Variants in FANCC observed in about 807,000 individuals in gnomAD.
FANCC encodes the protein FA complementation group C, also known as Fanconi anemia group C protein.
In FANCC, 55 loss-of-function variants were observed where a neutral mutation model predicts 71.3. That is an observed-to-expected ratio of 0.77 (90% CI 0.62 to 0.97). The LOEUF is 0.97. Among genes scored for constraint, FANCC ranks in the 50% least tolerant of loss-of-function variants. The probability of loss-of-function intolerance (pLI) is 0.00; values close to 1 mark genes in which losing one functional copy is unlikely to be tolerated. For missense variants in FANCC, 678 were observed against 670.9 expected, an observed-to-expected ratio of 1.01 and a Z score of -0.12; for synonymous variants, 275 against 244.9, an observed-to-expected ratio of 1.12 and a Z score of -1.15.
At chr9:95,136,738 C>A (rs1297589274) in intron 7 of FANCC, among the ~76,000 whole-genome samples, 1 of 152,208 alleles carries the variant, frequency 6.6e-6, no homozygotes, top group Non-Finnish European at 1.5e-5. Flanking sequence ...CCTGCCTTGG[C>A]CTCCCAAAAT....
chr9:95,111,712 C>T (rs2071951515), intron 12 of FANCC, 75 bp from the exon 13 acceptor site: 2 of 1,558,976 alleles, frequency 1.3e-6, no homozygotes, highest in South Asian at 2.2e-5. Context: ...GCAACTTTAA[C>T]GTTTGCCAAC....
intron 1 of FANCC, among the ~76,000 whole-genome samples, chr9:95,284,871 C>T (rs1833584804): frequency 9.5e-6 from 1 of 104,806 alleles, no homozygotes; most frequent in Admixed American, 1.0e-4. Flanking sequence ...CACACACACA[C>T]ACACATACAC....
In FANCC at chr9:95,114,615, C is replaced by T. The variant is rs751776859; in HGVS notation, c.1154+14G>A. On this transcript the variant is annotated intron_variant, in intron 12 of 14. Transcript: ENST00000289081. The stretch of plus-strand genomic sequence containing the variant: ...TGTGTGAAGTAGATTTGGGAGTGGT[C>T]AGTGTTTGCTCACCCATGAGTCTGG... 2.5e-6 allele frequency: 4 copies of T among 1,610,466 alleles called. No individual in the cohort carries two copies. The highest frequency in any genetic ancestry group is 3.4e-6 in the Non-Finnish European group (4 of 1,176,690).
chr9:95,268,166 G>A (rs1443596914), intron 1 of FANCC, among the ~76,000 whole-genome samples: 1 of 152,200 alleles, frequency 6.6e-6, no homozygotes, highest in Non-Finnish European at 1.5e-5. Context: ...ACAGAAACTT[G>A]ATGAAAAAGC....
At position 95,308,961 on chromosome 9, in the gene FANCC, T is replaced by C. The variant is rs376045567; in HGVS notation, c.-79+8565A>G. The stretch of plus-strand genomic sequence containing the variant: ...AGGGCAAGACTGCAACGAGTTATGA[T>C]TGCACTACTGCACTCCAGCCTGGGG... On this transcript the variant is annotated intron_variant, in intron 1 of 14. Coordinates refer to ENST00000289081, the MANE Select transcript of FANCC (RefSeq NM_000136.3). Among the ~76,000 whole-genome samples the C allele has an allele frequency of 7.4e-4, 113 of 152,256 alleles. 1 individual carries two copies. In the South Asian group the frequency reaches 0.022, roughly 30 times the overall value.
At chr9:95,133,361 C>T (rs192550406) in intron 8 of FANCC, among the ~76,000 whole-genome samples, 1 of 152,262 alleles carries the variant, frequency 6.6e-6, no homozygotes, top group African/African-American at 2.4e-5. Flanking sequence ...CCAAATAACA[C>T]CCTCTAGAAT....
intron 13 of FANCC, chr9:95,110,658 AAAC>A (rs760975319): frequency 3.8e-6 from 4 of 1,048,202 alleles, no homozygotes; most frequent in South Asian, 9.2e-5. Flanking sequence ...GTGTGTTTTC[AAAC>A]AACAGAAAAT....
At chr9:95,313,194 G>A (rs1588456157) in intron 1 of FANCC, among the ~76,000 whole-genome samples, 1 of 152,196 alleles carries the variant, frequency 6.6e-6, no homozygotes, top group Admixed American at 6.5e-5. Flanking sequence ...AAGCACGGGA[G>A]CCAGCGTTGG....
chr9:95,255,608 G>A (rs983478507), intron 1 of FANCC, among the ~76,000 whole-genome samples: 1 of 152,184 alleles, frequency 6.6e-6, no homozygotes, highest in African/African-American at 2.4e-5. Flanking sequence ...GCACAAAAAG[G>A]CTGAAAATTC....
chr9:95,197,265 A>G (rs1827513043), intron 4 of FANCC, among the ~76,000 whole-genome samples: 1 of 152,206 alleles, frequency 6.6e-6, no homozygotes, highest in African/African-American at 2.4e-5. Flanking sequence ...AGCCAAGTGC[A>G]GTGGCTCACA....
intron 10 of FANCC, among the ~76,000 whole-genome samples, 188 bp from the exon 11 acceptor site, chr9:95,117,578 C>T (rs567058232): frequency 7.2e-6 from 1 of 139,406 alleles, no homozygotes; most frequent in South Asian, 2.5e-4. Context: ...AATAATTAAC[C>T]TTTTTAAAGT....
chr9:95,201,041 G>GAA (rs1338635820), intron 4 of FANCC, among the ~76,000 whole-genome samples: 3 of 152,092 alleles, frequency 2.0e-5, no homozygotes, highest in Non-Finnish European at 4.4e-5. Flanking sequence ...TCTCTATAAT[G>GAA]AATTGCCTTT....
At chr9:95,313,873 A>G (rs1175717627) in intron 1 of FANCC, among the ~76,000 whole-genome samples, 1 of 152,250 alleles carries the variant, frequency 6.6e-6, no homozygotes, top group African/African-American at 2.4e-5. Flanking sequence ...CAGAAAAGCA[A>G]CATTTCTAAC....
At chr9:95,159,702 C>A (rs1009428015) in intron 6 of FANCC, among the ~76,000 whole-genome samples, 1 of 152,122 alleles carries the variant, frequency 6.6e-6, no homozygotes, top group African/African-American at 2.4e-5. Context: ...CTGTTGTTTC[C>A]TGACTTTTTA....
At chr9:95,138,521 C>T (rs1158984181) in intron 7 of FANCC, among the ~76,000 whole-genome samples, 1 of 152,244 alleles carries the variant, frequency 6.6e-6, no homozygotes, top group African/African-American at 2.4e-5. Context: ...GTTCGCCTCT[C>T]AGTGGCTCCT....
intron 4 of FANCC, among the ~76,000 whole-genome samples, chr9:95,199,202 C>T (rs1827649964): frequency 6.6e-6 from 1 of 152,090 alleles, no homozygotes; most frequent in Non-Finnish European, 1.5e-5. Flanking sequence ...CAATCTGTTC[C>T]ACAGACTGCA....
At chr9:95,263,080 A>T (rs1182246271) in intron 1 of FANCC, among the ~76,000 whole-genome samples, 1 of 152,246 alleles carries the variant, frequency 6.6e-6, no homozygotes, top group Non-Finnish European at 1.5e-5. Flanking sequence ...AAAGTGGTTA[A>T]GATGGTTACA....
chr9:95,106,202 C>T (rs2071436122), intron 14 of FANCC, among the ~76,000 whole-genome samples: 1 of 152,198 alleles, frequency 6.6e-6, no homozygotes, highest in Non-Finnish European at 1.5e-5. Flanking sequence ...CTTTCCCTGA[C>T]CACTCATGCC....
At chr9:95,153,591 T>C (rs1411594285) in intron 6 of FANCC, among the ~76,000 whole-genome samples, 1 of 152,230 alleles carries the variant, frequency 6.6e-6, no homozygotes, top group Non-Finnish European at 1.5e-5. Context: ...ATGTTGAGCA[T>C]TTTTTCATAT....
Sources: allele counts gnomAD v4.1 joint callset (sites outside exome capture counted in the v4.1 genomes callset), GRCh38; gene constraint gnomAD v4.1.1; transcripts MANE v1.5; gene names NCBI Gene and HGNC (gene_info 2026-07-23, HGNC 2026-07-21).